Variants in SPNS3 observed in about 807,000 individuals in gnomAD.
The protein encoded by SPNS3 is protein spinster homolog 3.
A neutral mutation model predicts 54.4 loss-of-function variants in SPNS3; 51 were observed. The observed-to-expected ratio is 0.94, with a 90% confidence interval of 0.75 to 1.18. The LOEUF is 1.18. Among genes scored for constraint, SPNS3 ranks in the 50% most tolerant of loss-of-function variants. The pLI, the probability that SPNS3 is intolerant of heterozygous loss-of-function variation, is 0.00. For missense variants in SPNS3, 669 were observed against 677.4 expected, an observed-to-expected ratio of 0.99 and a Z score of 0.14; for synonymous variants, 309 against 294.7, an observed-to-expected ratio of 1.05 and a Z score of -0.50.
Position 4,486,390 on chromosome 17 carries a change from ACT to A in SPNS3, c.1279-20_1279-19del. 15 of 1,595,766 alleles carry A rather than the reference ACT, an allele frequency of 9.4e-6. No individual in the cohort carries two copies. Among genetic ancestry groups the A allele is most frequent in the Non-Finnish European group, 1.3e-5 (15 of 1,169,656 alleles). ...GGGGCCAGGCTGGTGGGCCTGGCAGACTCATCCCTTCTCCTCCGCAGATCTCT... is the reference window on the plus strand; with the variant it reads ...GGGGCCAGGCTGGTGGGCCTGGCAGACATCCCTTCTCCTCCGCAGATCTCT... On this transcript the variant is annotated intron_variant, in intron 10 of 11. Transcript: ENST00000355530. This position sits in a 1 kb window ranked among gnomAD's most constrained non-coding sequence, Gnocchi z 5.5.
At chr17:4,438,708 G>A (rs1378684561) in intron 1 of SPNS3, among the ~76,000 whole-genome samples, 3 of 152,236 alleles carry the variant, frequency 2.0e-5, no homozygotes, top group East Asian at 1.9e-4. Context: ...GTGCATGAGC[G>A]AGGCCACTGT....
chr17:4,442,132 G>A (rs1474348678), intron 2 of SPNS3, among the ~76,000 whole-genome samples: 1 of 152,098 alleles, frequency 6.6e-6, no homozygotes, highest in Non-Finnish European at 1.5e-5. Flanking sequence ...CCTCAGGTGA[G>A]TCTCTTTACC....
intron 8 of SPNS3, among the ~76,000 whole-genome samples, chr17:4,460,320 A>G (rs1971462402): frequency 6.6e-6 from 1 of 152,002 alleles, no homozygotes; most frequent in Non-Finnish European, 1.5e-5. Flanking sequence ...CCTTTATTCA[A>G]TTTCTACAGT....
At chr17:4,438,659 C>G (rs1970773847) in intron 1 of SPNS3, among the ~76,000 whole-genome samples, 1 of 152,216 alleles carries the variant, frequency 6.6e-6, no homozygotes, top group Non-Finnish European at 1.5e-5. Flanking sequence ...ACACGTTCGT[C>G]TTTTTATGTA....
chr17:4,437,685 T>TAAAAA (rs1278166292), intron 1 of SPNS3, among the ~76,000 whole-genome samples: 1 of 139,182 alleles, frequency 7.2e-6, no homozygotes, highest in Admixed American at 7.1e-5. Context: ...ATAAATAAAA[T>TAAAAA]AAAAATAAAA....
intron 2 of SPNS3, among the ~76,000 whole-genome samples, chr17:4,441,619 G>A (rs964576853): frequency 3.3e-5 from 5 of 151,708 alleles, no homozygotes; most frequent in Admixed American, 6.6e-5. Flanking sequence ...TTCTTGAGAC[G>A]GAGTTTTGCT....
chr17:4,485,395 T>A (rs984848916), intron 9 of SPNS3, among the ~76,000 whole-genome samples: 2 of 151,764 alleles, frequency 1.3e-5, no homozygotes, highest in African/African-American at 2.4e-5. Flanking sequence ...TTCTTTATTT[T>A]TTTTATTTTT....
intron 8 of SPNS3, among the ~76,000 whole-genome samples, chr17:4,474,290 T>C (rs1303208741): frequency 6.6e-6 from 1 of 152,220 alleles, no homozygotes; most frequent in Non-Finnish European, 1.5e-5. Flanking sequence ...CAATTACAGG[T>C]TGGCAAGTCC....
At chr17:4,435,142 G>T (rs762962495) in intron 1 of SPNS3, among the ~76,000 whole-genome samples, 1 of 151,550 alleles carries the variant, frequency 6.6e-6, no homozygotes, top group Non-Finnish European at 1.5e-5. Flanking sequence ...ATATTTTAGG[G>T]CTGGGTGCGG....
At chr17:4,435,352 G>A (rs774827028) in intron 1 of SPNS3, among the ~76,000 whole-genome samples, 17 of 150,432 alleles carry the variant, frequency 1.1e-4, no homozygotes, top group Non-Finnish European at 2.2e-4. Flanking sequence ...AACCTGGGAG[G>A]TGGATGTTGC....
chr17:4,469,417 C>G (rs1040153100), intron 8 of SPNS3, among the ~76,000 whole-genome samples: 2 of 151,974 alleles, frequency 1.3e-5, no homozygotes, highest in Admixed American at 6.6e-5. Flanking sequence ...GCAATTGGGC[C>G]GGGTGCCCAA....
chr17:4,465,019 A>G (rs1034848247), intron 8 of SPNS3, among the ~76,000 whole-genome samples: 2 of 152,224 alleles, frequency 1.3e-5, no homozygotes, highest in Non-Finnish European at 2.9e-5. Context: ...AACAAAATTT[A>G]ATGGCTTAAA....
chr17:4,446,782 G>T, intron 4 of SPNS3, 114 bp from the exon 5 acceptor site: 2 of 943,236 alleles, frequency 2.1e-6, no homozygotes, highest in Non-Finnish European at 1.7e-6. Flanking sequence ...GTCTGAGCCT[G>T]CAGAGAGCCA....
rs116765516 is a variant in SPNS3, at chr17:4,463,237, G to T, written c.1113+10032G>T. ...ACATGGTGAAACCCTGTCTCTACTG[G>T]AAATACAGAAATTAGCCAGGCATGG... On this transcript the variant is annotated intron_variant, in intron 8 of 11. Transcript: ENST00000355530. Among the ~76,000 whole-genome samples the T allele has an allele frequency of 3.5e-3, 520 of 149,500 alleles. 3 individuals carry two copies. Among genetic ancestry groups the T allele is most frequent in the African/African-American group, 0.012 (498 of 40,592 alleles).
At chr17:4,444,474 C>T (rs1044623280) in intron 2 of SPNS3, among the ~76,000 whole-genome samples, 4 of 152,030 alleles carry the variant, frequency 2.6e-5, no homozygotes, top group Admixed American at 1.3e-4. Context: ...CTGCCCGCCT[C>T]AGCCTCCCAA....
At position 4,448,063 on chromosome 17, in the gene SPNS3, C is replaced by T. The variant is rs908182003; in HGVS notation, c.622-92C>T. The T allele has an allele frequency of 3.8e-6, 5 of 1,303,046 alleles. No homozygotes were observed. In the East Asian group the frequency reaches 1.4e-4, roughly 37 times the overall value. The allele number at this position is 1,303,046 out of a possible 1,614,324, so 80.7% of individuals were successfully genotyped here. A position where few individuals can be genotyped will look rare whatever the true frequency, so the allele number is the denominator to read the frequency against. On this transcript the variant is annotated intron_variant, in intron 5 of 11. Coordinates refer to ENST00000355530, the MANE Select transcript of SPNS3 (RefSeq NM_182538.5). ...CCAGGGCTTGGAAACCAGAGGTCAG[C>T]CACTGGCTGATACTGTGGCCAGTTG...
intron 8 of SPNS3, among the ~76,000 whole-genome samples, chr17:4,455,269 C>T (rs558273448): frequency 9.2e-5 from 14 of 152,266 alleles, no homozygotes; most frequent in African/African-American, 2.4e-4. Context: ...GCAGGGCTGT[C>T]GTCCGGTTTT....
chr17:4,453,298 A>C, intron 8 of SPNS3, 93 bp downstream of exon 8: 1 of 1,200,410 alleles, frequency 8.3e-7, no homozygotes. Flanking sequence ...CTTTATGTAC[A>C]ATTATGTTGA....
At chr17:4,445,914 G>A in intron 3 of SPNS3, 134 bp from the exon 4 acceptor site, 2 of 1,045,632 alleles carry the variant, frequency 1.9e-6, no homozygotes, top group Non-Finnish European at 2.7e-6. Flanking sequence ...AGAGGTGTCT[G>A]TAGCCCCGAT....
Sources: allele counts gnomAD v4.1 joint callset (sites outside exome capture counted in the v4.1 genomes callset), GRCh38; gene constraint gnomAD v4.1.1; non-coding constraint Gnocchi (gnomAD v3.1); transcripts MANE v1.5; gene names NCBI Gene and HGNC (gene_info 2026-07-23, HGNC 2026-07-21).